Variants in GRIN2A observed in about 807,000 individuals in gnomAD.
GRIN2A encodes the protein glutamate receptor ionotropic, NMDA 2A.
Under a neutral mutation model 113.4 loss-of-function variants are expected in GRIN2A, and 22 were observed. The ratio of observed to expected loss-of-function variants is 0.19; its 90% CI spans 0.14 to 0.28. The LOEUF is 0.28. GRIN2A is among the 10% of genes least tolerant of loss of function. The probability of loss-of-function intolerance (pLI) is 1.00; values close to 1 mark genes in which losing one functional copy is unlikely to be tolerated. For missense variants in GRIN2A, 1,502 were observed against 1,887.0 expected (o/e 0.80, Z 3.78); for synonymous variants, 827 against 738.4 (o/e 1.12, Z -1.94).
intron 3 of GRIN2A, among the ~76,000 whole-genome samples, chr16:9,894,857 C>T (rs1386424943): frequency 6.6e-6 from 1 of 152,172 alleles, no homozygotes; most frequent in Non-Finnish European, 1.5e-5. Flanking sequence ...TTCCAAACAT[C>T]TGTCAATGCA....
intron 4 of GRIN2A, among the ~76,000 whole-genome samples, chr16:9,877,874 C>A (rs2043402782): frequency 7.0e-6 from 1 of 141,892 alleles, no homozygotes; most frequent in Non-Finnish European, 1.5e-5. Context: ...CTCCCTCTCC[C>A]CCAACTCTCT....
intron 2 of GRIN2A, among the ~76,000 whole-genome samples, chr16:10,128,582 T>C (rs966577128): frequency 3.3e-5 from 5 of 152,162 alleles, no homozygotes; most frequent in African/African-American, 1.2e-4. Context: ...AGGCTAGAGG[T>C]GGGCAGCACC....
chr16:9,886,951 G>A (rs148823924), intron 4 of GRIN2A, among the ~76,000 whole-genome samples: 17 of 152,262 alleles, frequency 1.1e-4, no homozygotes, highest in Non-Finnish European at 1.9e-4. Context: ...GCAGTGGTGC[G>A]ATCTCAGCTC....
intron 2 of GRIN2A, among the ~76,000 whole-genome samples, chr16:9,970,488 A>G (rs1217665539): frequency 2.6e-5 from 4 of 152,226 alleles, no homozygotes; most frequent in Admixed American, 6.5e-5. Context: ...AGATATGGAG[A>G]TAAAGATACG....
Position 9,758,440 on chromosome 16 carries a change from A to T in GRIN2A, c.*4709T>A. 4.5e-6 allele frequency: 1 copy of T among 220,300 alleles called. No individual in the cohort carries two copies. The highest frequency in any genetic ancestry group is 9.1e-6 in the Non-Finnish European group (1 of 109,792). 13.6% of individuals were successfully genotyped at this position (220,300 alleles called of 1,614,324 possible). On this transcript the variant is annotated 3_prime_UTR_variant, in exon 13 of 13. Coordinates refer to ENST00000330684, the MANE Select transcript of GRIN2A (RefSeq NM_001134407.3). ...ACTTAGGCTCTGTCATCCTCCCTACAACTGAGATTAAAAAAATATAGTGCC... is the reference window on the plus strand; with the variant it reads ...ACTTAGGCTCTGTCATCCTCCCTACTACTGAGATTAAAAAAATATAGTGCC...
intron 2 of GRIN2A, among the ~76,000 whole-genome samples, chr16:10,034,295 A>C (rs537601560): frequency 7.9e-5 from 12 of 152,010 alleles, no homozygotes; most frequent in Middle Eastern, 3.4e-3. Context: ...GAGGCTGAGG[A>C]AGGCTGATCA....
At chr16:9,854,059 T>G (rs1287979820) in intron 4 of GRIN2A, among the ~76,000 whole-genome samples, 1 of 152,218 alleles carries the variant, frequency 6.6e-6, no homozygotes, top group African/African-American at 2.4e-5. Context: ...GATTGGTTTC[T>G]ATGTCCACAG....
At chr16:10,000,121 C>G (rs181748803) in intron 2 of GRIN2A, among the ~76,000 whole-genome samples, 156 of 152,176 alleles carry the variant, frequency 1.0e-3, no homozygotes, top group African/African-American at 3.6e-3. Flanking sequence ...TTATAAGGAC[C>G]CAGTATTATT....
chr16:10,000,270 G>C (rs1416608444), intron 2 of GRIN2A, among the ~76,000 whole-genome samples: 1 of 152,152 alleles, frequency 6.6e-6, no homozygotes, highest in African/African-American at 2.4e-5. Context: ...CACATTTGGT[G>C]AGTCCTTCTC....
At chr16:10,020,320 T>C (rs1357352079) in intron 2 of GRIN2A, among the ~76,000 whole-genome samples, 6 of 152,174 alleles carry the variant, frequency 3.9e-5, no homozygotes, top group African/African-American at 9.7e-5. Context: ...GAGAGGCTCA[T>C]TGAAACTCTT....
In GRIN2A at chr16:9,840,603, C is replaced by T. The variant is rs763545282; in HGVS notation, c.1651+44G>A. 6.4e-6 allele frequency: 10 copies of T among 1,568,732 alleles called. No individual in the cohort carries two copies. The African/African-American group carries it at 1.2e-4, about 19-fold the overall frequency. On this transcript the variant is annotated intron_variant, in intron 7 of 12. Transcript: ENST00000330684. ...TCCTCTGAGCAAACAAGATTTCCTA[C>T]AATTCCTTATAGGAAAGCAATAGTC...
chr16:9,952,113 T>C (rs2141675662), intron 2 of GRIN2A, among the ~76,000 whole-genome samples: 2 of 152,190 alleles, frequency 1.3e-5, no homozygotes, highest in African/African-American at 4.8e-5. Context: ...GCTGGAAGTG[T>C]GGAGGGTTCA....
chr16:9,928,778 C>A (rs537240694), intron 3 of GRIN2A, among the ~76,000 whole-genome samples: 2 of 152,278 alleles, frequency 1.3e-5, no homozygotes, highest in South Asian at 4.2e-4. Flanking sequence ...CCGTCGAGAC[C>A]CAAAGCTTCA....
chr16:9,878,166 G>C (rs887586500), intron 4 of GRIN2A, among the ~76,000 whole-genome samples: 8 of 152,104 alleles, frequency 5.3e-5, no homozygotes, highest in African/African-American at 1.7e-4. Flanking sequence ...ATCACCCTCA[G>C]AGAGATCCTT....
At chr16:9,898,054 C>CTTTTTT (rs71402414) in intron 3 of GRIN2A, among the ~76,000 whole-genome samples, 11 of 109,698 alleles carry the variant, frequency 1.0e-4, no homozygotes, top group Non-Finnish European at 1.8e-4. Flanking sequence ...CCTCCATTTC[C>CTTTTTT]TTTTTTTTTT....
In GRIN2A at chr16:10,089,777, A is replaced by G. The variant is rs1482905760; in HGVS notation, c.414+90221T>C. On this transcript the variant is annotated intron_variant, in intron 2 of 12. Coordinates refer to ENST00000330684, the MANE Select transcript of GRIN2A (RefSeq NM_001134407.3). ...GATTTCAACAGCAAGCTGTCTTGAT[A>G]AGGTTCCATCATCTCTCAAAAATTT... Among the ~76,000 whole-genome samples the G allele has an allele frequency of 7.2e-5, 11 of 152,340 alleles. No individual in the cohort carries two copies. In the East Asian group the frequency reaches 7.7e-4, roughly 11 times the overall value.
chr16:9,914,905 CTTTTTTTTTTTTTTTTTTTTTTTTT>C lies in GRIN2A; in HGVS notation c.1007+23029_1007+23053del, dbSNP rs869182389. Among the ~76,000 whole-genome samples the C allele has an allele frequency of 9.4e-3, 314 of 33,470 alleles. 7 individuals are homozygous for C. Among genetic ancestry groups the C allele is most frequent in the African/African-American group, 0.024 (246 of 10,226 alleles). The allele number at this position is 33,470 out of a possible 152,430, so 22.0% of individuals were successfully genotyped here. A position where few individuals can be genotyped will look rare whatever the true frequency, so the allele number is the denominator to read the frequency against. On this transcript the variant is annotated intron_variant, in intron 3 of 12. Transcript: ENST00000330684. Reference sequence around the variant, plus strand: ...TATTTACAGCCTATTGATTATGCAGCTTTTTTTTTTTTTTTTTTTTTTTTTTTTTTTTTTTTTTTTTTTTTTAATG... The same window carrying C: ...TATTTACAGCCTATTGATTATGCAGCTTTTTTTTTTTTTTTTTTTTTAATG...
At chr16:10,026,390 A>C (rs1671896372) in intron 2 of GRIN2A, among the ~76,000 whole-genome samples, 1 of 152,178 alleles carries the variant, frequency 6.6e-6, no homozygotes, top group Non-Finnish European at 1.5e-5. Flanking sequence ...GCTATTATTT[A>C]TTATTGTTAC....
intron 4 of GRIN2A, among the ~76,000 whole-genome samples, chr16:9,875,508 T>C (rs935140021): frequency 6.6e-6 from 1 of 152,116 alleles, no homozygotes; most frequent in Non-Finnish European, 1.5e-5. Context: ...AGCAGATTGC[T>C]GGGGGGAGCA....
Sources: gnomAD v4.1 joint callset for allele counts (sites outside exome capture counted in the v4.1 genomes callset) on GRCh38, gnomAD v4.1.1 for gene constraint, MANE v1.5 for transcripts, NCBI Gene and HGNC (gene_info 2026-07-23, HGNC 2026-07-21) for gene names.